Variants in PTPRT observed in about 807,000 individuals in gnomAD.
PTPRT encodes the protein receptor-type tyrosine-protein phosphatase T.
In PTPRT, 56 loss-of-function variants were observed where a neutral mutation model predicts 176.8. The ratio of observed to expected loss-of-function variants is 0.32; its 90% CI spans 0.26 to 0.40. The LOEUF (loss-of-function observed/expected upper bound fraction) is 0.40, where lower values mean the gene tolerates loss of function less well. Ranked by LOEUF, PTPRT falls within the 10% of genes least tolerant of loss-of-function variation. The probability of loss-of-function intolerance (pLI) is 1.00; values close to 1 mark genes in which losing one functional copy is unlikely to be tolerated. For synonymous variants in PTPRT, 783 were observed against 739.0 expected (o/e 1.06, Z -0.96); for missense variants, 1,540 against 1,908.2 (o/e 0.81, Z 3.60).
the PTPRT span, among the ~76,000 whole-genome samples, chr20:42,038,384 G>A: frequency 3.9e-5 from 6 of 152,204 alleles, no homozygotes; most frequent in African/African-American, 1.4e-4. Context: ...ACTTCCAAGA[G>A]AAGTGTTAGG....
intron 8 of PTPRT, among the ~76,000 whole-genome samples, chr20:42,464,785 C>T (rs962342245): frequency 7.9e-5 from 12 of 152,180 alleles, no homozygotes; most frequent in Middle Eastern, 3.4e-3. Flanking sequence ...TGCTTTTTCT[C>T]TCACTTTTCC....
chr20:42,421,377 A>G (rs2059117751), intron 9 of PTPRT, among the ~76,000 whole-genome samples: 1 of 152,114 alleles, frequency 6.6e-6, no homozygotes, highest in South Asian at 2.1e-4. Flanking sequence ...TGTGAATGTG[A>G]CCTTATTTGG....
chr20:42,895,296 C>T (rs529136077), intron 1 of PTPRT, among the ~76,000 whole-genome samples: 1 of 152,244 alleles, frequency 6.6e-6, no homozygotes, highest in South Asian at 2.1e-4. Flanking sequence ...TCACTGTGTC[C>T]TCACACAGCC....
At chr20:43,049,709 T>C (rs1986974651) in intron 1 of PTPRT, among the ~76,000 whole-genome samples, 1 of 152,184 alleles carries the variant, frequency 6.6e-6, no homozygotes, top group South Asian at 2.1e-4. Flanking sequence ...GGGAAATCAC[T>C]CCGACAAATA....
At chr20:42,041,407 T>A in the PTPRT span, among the ~76,000 whole-genome samples, 42 of 152,284 alleles carry the variant, frequency 2.8e-4, no homozygotes, top group East Asian at 7.5e-3. Context: ...TCGCAGGGAA[T>A]ATATTTAAGT....
intron 1 of PTPRT, among the ~76,000 whole-genome samples, chr20:43,028,557 T>C (rs2146192353): frequency 6.6e-6 from 1 of 152,214 alleles, no homozygotes; most frequent in Admixed American, 6.5e-5. Flanking sequence ...AGCACTTTGG[T>C]CTTCTCCCCA....
chr20:42,217,376 TACACACACAC>T (rs71335847), intron 15 of PTPRT, among the ~76,000 whole-genome samples: 2,387 of 104,332 alleles, frequency 0.023, 25 homozygotes, highest in Non-Finnish European at 0.031. Flanking sequence ...CTCTCAAACA[TACACACACAC>T]ACACACACAC....
intron 6 of PTPRT, among the ~76,000 whole-genome samples, chr20:42,720,425 G>A (rs943734935): frequency 1.3e-5 from 2 of 152,220 alleles, no homozygotes; most frequent in African/African-American, 4.8e-5. Context: ...GAAGTAAGGT[G>A]AGATGTGTGT....
intron 8 of PTPRT, among the ~76,000 whole-genome samples, chr20:42,450,630 G>GT (rs11484120): frequency 0.22 from 33,744 of 151,982 alleles, 3,811 homozygotes; most frequent in Middle Eastern, 0.31. Flanking sequence ...ATTTTCGCCA[G>GT]TTTTTTTGTT....
chr20:42,914,360 C>A (rs1038142037), intron 1 of PTPRT, among the ~76,000 whole-genome samples: 4 of 152,150 alleles, frequency 2.6e-5, no homozygotes, highest in Non-Finnish European at 5.9e-5. Context: ...CCCCCTCTTT[C>A]CCAGAAGCCG....
intron 9 of PTPRT, among the ~76,000 whole-genome samples, chr20:42,368,992 T>G (rs961985259): frequency 6.6e-6 from 1 of 151,806 alleles, no homozygotes. Flanking sequence ...CCCTTTCCTT[T>G]CCTTCCTTCC....
chr20:42,398,569 T>A (rs2058874192), intron 9 of PTPRT, among the ~76,000 whole-genome samples: 1 of 152,184 alleles, frequency 6.6e-6, no homozygotes, highest in Admixed American at 6.5e-5. Context: ...AGCATGTATA[T>A]CAGAATTCAA....
intron 15 of PTPRT, among the ~76,000 whole-genome samples, chr20:42,235,249 T>A (rs1297902346): frequency 6.7e-6 from 1 of 148,650 alleles, no homozygotes; most frequent in African/African-American, 2.6e-5. Context: ...TTGTTGTTGT[T>A]ATTTATTATT....
intron 9 of PTPRT, among the ~76,000 whole-genome samples, chr20:42,397,882 G>T (rs12624959): frequency 2.0e-5 from 3 of 152,050 alleles, no homozygotes; most frequent in Admixed American, 6.5e-5. Context: ...CTCCACAGTG[G>T]CTGGACTAAT....
intron 11 of PTPRT, among the ~76,000 whole-genome samples, chr20:42,341,538 C>T (rs2058111785): frequency 6.6e-6 from 1 of 152,170 alleles, no homozygotes; most frequent in Non-Finnish European, 1.5e-5. Flanking sequence ...AGTCCTTCTC[C>T]ATCTCCTGTG....
At chr20:42,742,796 C>G (rs2076631285) in intron 6 of PTPRT, among the ~76,000 whole-genome samples, 1 of 152,210 alleles carries the variant, frequency 6.6e-6, no homozygotes, top group Non-Finnish European at 1.5e-5. Context: ...AAACATGAGG[C>G]AAGAAACATC....
chr20:43,137,310 G>A (rs972788707), intron 1 of PTPRT, among the ~76,000 whole-genome samples: 2 of 152,110 alleles, frequency 1.3e-5, no homozygotes, highest in African/African-American at 4.8e-5. Context: ...TACAGCCTGT[G>A]GGCCAGATCT....
chr20:43,189,716 C>G lies in PTPRT; in HGVS notation c.18G>C (p.Ala6=). 7.9e-7 allele frequency: 1 copy of G among 1,263,042 alleles called. No individual in the cohort carries two copies. The highest frequency in any genetic ancestry group is 9.9e-7 in the Non-Finnish European group (1 of 1,006,006). The allele number at this position is 1,263,042 out of a possible 1,614,324, so 78.2% of individuals were successfully genotyped here. A position where few individuals can be genotyped will look rare whatever the true frequency, so the allele number is the denominator to read the frequency against. The change falls in exon 1 of 31, where the codon GCG becomes GCC. Residue 6 remains alanine, a synonymous_variant. Coordinates refer to ENST00000373187, the MANE Select transcript of PTPRT (RefSeq NM_007050.6). This position sits in a 1 kb window ranked among gnomAD's most constrained non-coding sequence, Gnocchi z 5.0. ...GCCTCAGGAGCAGGCTGAGGGCGAG[C>G]GCGGCGAGGCTCGCCATCCGGGCGG... is the stretch of plus-strand genomic sequence containing the variant. The part of the protein sequence containing the change: MASLA[A]LALSLLLRLQ...
At chr20:43,032,962 A>G (rs1443477549) in intron 1 of PTPRT, among the ~76,000 whole-genome samples, 2 of 152,322 alleles carry the variant, frequency 1.3e-5, no homozygotes, top group South Asian at 4.1e-4. Context: ...TATAAAATTT[A>G]TGCCAAGCCA....
Sources: allele counts gnomAD v4.1 joint callset (sites outside exome capture counted in the v4.1 genomes callset), GRCh38; gene constraint gnomAD v4.1.1; non-coding constraint Gnocchi (gnomAD v3.1); transcripts MANE v1.5; gene names NCBI Gene and HGNC (gene_info 2026-07-23, HGNC 2026-07-21).